SYNDIG1: variants seen among roughly 807,000 people sequenced by gnomAD.
SYNDIG1 encodes synapse differentiation inducing 1.
In SYNDIG1, 9 loss-of-function variants were observed where a neutral mutation model predicts 19.4. That is an observed-to-expected ratio of 0.46 (90% CI 0.28 to 0.81). The LOEUF (loss-of-function observed/expected upper bound fraction) is 0.81, where lower values mean the gene tolerates loss of function less well. Ranked by LOEUF, SYNDIG1 falls within the 30% of genes least tolerant of loss-of-function variation. The pLI is 0.12. For missense variants in SYNDIG1, 311 were observed against 343.3 expected, an observed-to-expected ratio of 0.91 and a Z score of 0.74; for synonymous variants, 141 against 145.9, an observed-to-expected ratio of 0.97 and a Z score of 0.24.
intron 1 of SYNDIG1, among the ~76,000 whole-genome samples, chr20:24,498,510 C>A (rs767881707): frequency 2.6e-5 from 4 of 152,222 alleles, no homozygotes; most frequent in Non-Finnish European, 5.9e-5. Flanking sequence ...CCTCCCCATT[C>A]CCATCTCCCG....
At chr20:24,598,338 G>A (rs889340161) in intron 3 of SYNDIG1, among the ~76,000 whole-genome samples, 1 of 152,218 alleles carries the variant, frequency 6.6e-6, no homozygotes, top group South Asian at 2.1e-4. Context: ...TAAATTTTAT[G>A]AATTGGAATC....
chr20:24,652,646 C>G (rs1416310417), intron 3 of SYNDIG1, among the ~76,000 whole-genome samples: 1 of 152,226 alleles, frequency 6.6e-6, no homozygotes, highest in Admixed American at 6.5e-5. Flanking sequence ...AGTGCTGCAC[C>G]CGTATTCCCT....
chr20:24,639,313 C>A (rs1236871011), intron 3 of SYNDIG1, among the ~76,000 whole-genome samples: 3 of 152,118 alleles, frequency 2.0e-5, no homozygotes, highest in Admixed American at 1.3e-4. Flanking sequence ...CTACTGGGGG[C>A]TTCGTATGTG....
At chr20:24,565,347 G>A (rs1421799414) in intron 2 of SYNDIG1, among the ~76,000 whole-genome samples, 2 of 152,200 alleles carry the variant, frequency 1.3e-5, no homozygotes, top group African/African-American at 4.8e-5. Context: ...GGCACACAGA[G>A]GCCGAGACTG....
chr20:24,471,509 G>A (rs2055456523), intron 1 of SYNDIG1, among the ~76,000 whole-genome samples: 1 of 150,978 alleles, frequency 6.6e-6, no homozygotes, highest in African/African-American at 2.4e-5. Context: ...CCTTTGCAAG[G>A]AGCAAGCCTG....
chr20:24,578,397 C>T (rs1275692016), intron 2 of SYNDIG1, among the ~76,000 whole-genome samples: 1 of 149,172 alleles, frequency 6.7e-6, no homozygotes, highest in Non-Finnish European at 1.5e-5. Flanking sequence ...GAGCCCCAAT[C>T]GCGCCACTGC....
At chr20:24,623,386 A>G (rs2147244579) in intron 3 of SYNDIG1, among the ~76,000 whole-genome samples, 1 of 152,346 alleles carries the variant, frequency 6.6e-6, no homozygotes, top group East Asian at 1.9e-4. Flanking sequence ...TCTGAAGTCT[A>G]TAAGAAATAG....
intron 1 of SYNDIG1, among the ~76,000 whole-genome samples, chr20:24,496,765 A>G (rs7267072): frequency 0.1 from 15,629 of 152,236 alleles, 1,938 homozygotes; most frequent in African/African-American, 0.3. Flanking sequence ...CTAAAGCACT[A>G]TATCCCCTGA....
intron 3 of SYNDIG1, among the ~76,000 whole-genome samples, chr20:24,638,816 C>T (rs1282065918): frequency 6.6e-6 from 1 of 152,228 alleles, no homozygotes; most frequent in Non-Finnish European, 1.5e-5. Flanking sequence ...GTGCATGACT[C>T]AGCTTGGGCT....
intron 1 of SYNDIG1, among the ~76,000 whole-genome samples, chr20:24,506,543 C>T (rs934428694): frequency 3.3e-5 from 5 of 152,220 alleles, no homozygotes; most frequent in East Asian, 3.9e-4. Flanking sequence ...AGATCTCAGA[C>T]TCTGAAGTTT....
At chr20:24,521,793 G>C (rs983797967) in intron 1 of SYNDIG1, among the ~76,000 whole-genome samples, 1 of 151,638 alleles carries the variant, frequency 6.6e-6, no homozygotes, top group Admixed American at 6.6e-5. Context: ...CCAGCTACTC[G>C]GGAGGCTGAC....
chr20:24,618,461 A>G (rs1600759363), intron 3 of SYNDIG1, among the ~76,000 whole-genome samples: 1 of 152,134 alleles, frequency 6.6e-6, no homozygotes, highest in East Asian at 1.9e-4. Context: ...CACGGGGCTC[A>G]GCCTCTCCTT....
chr20:24,595,127 A>T (rs1026906437), intron 3 of SYNDIG1, among the ~76,000 whole-genome samples: 1 of 152,204 alleles, frequency 6.6e-6, no homozygotes, highest in Non-Finnish European at 1.5e-5. Context: ...TTTGCCATTC[A>T]GTATGATATT....
intron 3 of SYNDIG1, among the ~76,000 whole-genome samples, chr20:24,633,538 C>T (rs2059278074): frequency 6.6e-6 from 1 of 152,174 alleles, no homozygotes; most frequent in African/African-American, 2.4e-5. Flanking sequence ...AAGTTGGTCC[C>T]CTTTTGATTC....
At position 24,658,427 on chromosome 20, in the gene SYNDIG1, AGCT is replaced by A. The variant is rs1047897975; in HGVS notation, c.619-6916_619-6914del. Among the ~76,000 whole-genome samples the A allele has an allele frequency of 1.3e-5, 2 of 151,842 alleles. No homozygotes were observed. The highest frequency in any genetic ancestry group is 4.8e-5 in the African/African-American group (2 of 41,336). On this transcript the variant is annotated intron_variant, in intron 3 of 3. Transcript: ENST00000376862. This position sits in a 1 kb window ranked among gnomAD's most constrained non-coding sequence, Gnocchi z 4.4. ...CTCCCCGTGACAGATTCCACACAGG[AGCT>A]GCAGGCCGTGGACCCCTGAAGTGGA...
At chr20:24,626,187 CCCGGACGGGGCGG>C (rs1229741002) in intron 3 of SYNDIG1, among the ~76,000 whole-genome samples, 4 of 133,180 alleles carry the variant, frequency 3.0e-5, no homozygotes, top group Admixed American at 1.4e-4. Flanking sequence ...CCACCTCCCT[CCCGGACGGGGCGG>C]CTGGCCTGGC....
intron 3 of SYNDIG1, among the ~76,000 whole-genome samples, chr20:24,662,385 G>A (rs6114818): frequency 0.045 from 6,856 of 152,088 alleles, 451 homozygotes; most frequent in African/African-American, 0.14. Flanking sequence ...TTCCAGAACC[G>A]CAGTGCACAA....
At chr20:24,470,286 G>A (rs2055385631) in intron 1 of SYNDIG1, among the ~76,000 whole-genome samples, 1 of 152,212 alleles carries the variant, frequency 6.6e-6, no homozygotes, top group Non-Finnish European at 1.5e-5. Flanking sequence ...GGAGTAGGAA[G>A]GGAAACAGAC....
At chr20:24,585,048 T>TGTTGAGGGGGGGGGGGG in intron 3 of SYNDIG1, 55 bp downstream of exon 3, 1 of 395,190 alleles carries the variant, frequency 2.5e-6, no homozygotes, top group South Asian at 2.6e-5. Flanking sequence ...AGGGTGGGGG[T>TGTTGAGGGGGGGGGGGG]GGGGGCGGCA....
Sources: gnomAD v4.1 joint callset for allele counts (sites outside exome capture counted in the v4.1 genomes callset) on GRCh38, gnomAD v4.1.1 for gene constraint, Gnocchi (gnomAD v3.1) non-coding constraint, MANE v1.5 for transcripts, NCBI Gene and HGNC (gene_info 2026-07-23, HGNC 2026-07-21) for gene names.